The following MSH3 variants were observed in gnomAD, a reference collection of about 807,000 sequenced individuals.
MSH3 encodes mutS homolog 3, also known as DNA mismatch repair protein Msh3.
Under a neutral mutation model 123.3 loss-of-function variants are expected in MSH3, and 106 were observed. The ratio of observed to expected loss-of-function variants is 0.86; its 90% CI spans 0.73 to 1.01. MSH3 has a LOEUF of 1.01. Ranked by LOEUF, MSH3 falls within the 50% of genes least tolerant of loss-of-function variation. MSH3 has a pLI of 0.00. For synonymous variants in MSH3, 515 were observed against 481.4 expected (o/e 1.07, Z -0.91); for missense variants, 1,459 against 1,347.6 (o/e 1.08, Z -1.29).
intron 20 of MSH3, among the ~76,000 whole-genome samples, chr5:80,841,087 G>C (rs1745615590): frequency 6.6e-6 from 1 of 151,502 alleles, no homozygotes; most frequent in African/African-American, 2.4e-5. Context: ...CCCGGTGTGT[G>C]ATGTTCCCCT....
chr5:80,812,076 G>C (rs1745018925), intron 19 of MSH3, among the ~76,000 whole-genome samples: 1 of 152,138 alleles, frequency 6.6e-6, no homozygotes, highest in Non-Finnish European at 1.5e-5. Context: ...GTTCCTTCAA[G>C]TAATGGAGAT....
At chr5:80,752,795 T>C (rs920227335) in intron 12 of MSH3, among the ~76,000 whole-genome samples, 5 of 152,206 alleles carry the variant, frequency 3.3e-5, no homozygotes, top group Middle Eastern at 3.4e-3. Context: ...TGGTTATATA[T>C]TGGAATATTA....
chr5:80,843,554 G>C (rs1324025895), intron 20 of MSH3, among the ~76,000 whole-genome samples: 1 of 152,010 alleles, frequency 6.6e-6, no homozygotes, highest in Non-Finnish European at 1.5e-5. Flanking sequence ...TTGGTTGGTG[G>C]GCTATTAATT....
At position 80,668,800 on chromosome 5, in the gene MSH3, C is replaced by T. The variant is rs376754911; in HGVS notation, c.580-1297C>T. On this transcript the variant is annotated intron_variant, in intron 3 of 23. Coordinates refer to ENST00000265081, the MANE Select transcript of MSH3 (RefSeq NM_002439.5). ...TGGGGCTCCTGCCTGCTCCCAGCCC[C>T]CAAGAGCACAGGGATGCCCAGGTTT... Among the ~76,000 whole-genome samples the T allele has an allele frequency of 5.9e-5, 9 of 152,266 alleles. No individual in the cohort carries two copies. In the East Asian group the frequency reaches 1.4e-3, roughly 23 times the overall value.
chr5:80,713,822 C>A (rs1201363558), intron 8 of MSH3, among the ~76,000 whole-genome samples: 1 of 152,102 alleles, frequency 6.6e-6, no homozygotes, highest in Non-Finnish European at 1.5e-5. Flanking sequence ...GCCTGTGACT[C>A]ACCCCAGGAA....
intron 14 of MSH3, among the ~76,000 whole-genome samples, 163 bp from the exon 15 acceptor site, chr5:80,768,672 C>T (rs1180200190): frequency 6.6e-6 from 1 of 152,086 alleles, no homozygotes; most frequent in Non-Finnish European, 1.5e-5. Context: ...TTTTGACCAT[C>T]CTCAGAGAAG....
chr5:80,871,872 G>C (rs1580103538), intron 22 of MSH3, among the ~76,000 whole-genome samples: 1 of 152,238 alleles, frequency 6.6e-6, no homozygotes, highest in East Asian at 1.9e-4. Context: ...GGCCATCTTA[G>C]AGGCTGCCTA....
chr5:80,829,059 TTTTTGC>T (rs1434156958), intron 20 of MSH3, among the ~76,000 whole-genome samples: 1 of 152,202 alleles, frequency 6.6e-6, no homozygotes, highest in Non-Finnish European at 1.5e-5. Context: ...TGACCCCACA[TTTTTGC>T]TTGGCATTAA....
chr5:80,811,659 T>A (rs2112051325), intron 19 of MSH3, among the ~76,000 whole-genome samples: 1 of 152,280 alleles, frequency 6.6e-6, no homozygotes, highest in Admixed American at 6.5e-5. Context: ...TCAGTAGGGA[T>A]GTTCTCTGCA....
At chr5:80,836,170 T>C (rs1342954849) in intron 20 of MSH3, among the ~76,000 whole-genome samples, 1 of 152,222 alleles carries the variant, frequency 6.6e-6, no homozygotes, top group Non-Finnish European at 1.5e-5. Flanking sequence ...TAAATTTAAA[T>C]CCTTTTGCTC....
At chr5:80,817,729 T>C (rs1243534069) in intron 20 of MSH3, among the ~76,000 whole-genome samples, 1 of 152,140 alleles carries the variant, frequency 6.6e-6, no homozygotes, top group African/African-American at 2.4e-5. Flanking sequence ...TTTCTCTTTA[T>C]AGAAATGTTC....
intron 3 of MSH3, among the ~76,000 whole-genome samples, chr5:80,668,430 G>A (rs1650657): frequency 0.28 from 42,155 of 152,010 alleles, 6,085 homozygotes; most frequent in Middle Eastern, 0.35. Flanking sequence ...GTGCCATGGG[G>A]CACCTGCAGG....
chr5:80,715,108 T>A (rs1228881113), intron 8 of MSH3: 2 of 152,232 alleles, frequency 1.3e-5, no homozygotes, highest in Non-Finnish European at 2.9e-5. Context: ...GACATTGTAC[T>A]TAATGTCTCA....
chr5:80,709,233 G>GTA (rs1750791689), intron 8 of MSH3, among the ~76,000 whole-genome samples: 1 of 151,914 alleles, frequency 6.6e-6, no homozygotes, highest in Non-Finnish European at 1.5e-5. Flanking sequence ...GTGTGTGTGT[G>GTA]TGTGTGTGTG....
chr5:80,846,655 G>A (rs570186085), intron 20 of MSH3, among the ~76,000 whole-genome samples: 20 of 152,332 alleles, frequency 1.3e-4, no homozygotes, highest in African/African-American at 4.1e-4. Context: ...CCACAACGTC[G>A]CAGGTTGATC....
intron 20 of MSH3, among the ~76,000 whole-genome samples, chr5:80,824,932 G>A (rs532217778): frequency 6.6e-6 from 1 of 152,192 alleles, no homozygotes; most frequent in African/African-American, 2.4e-5. Flanking sequence ...TAGTATATGG[G>A]ACATGTTCCC....
chr5:80,769,833 C>T (rs1447393938), intron 15 of MSH3, among the ~76,000 whole-genome samples: 1 of 152,008 alleles, frequency 6.6e-6, no homozygotes, highest in African/African-American at 2.4e-5. Flanking sequence ...TAAACATTTA[C>T]ATTGTTTTGT....
intron 8 of MSH3, among the ~76,000 whole-genome samples, chr5:80,681,741 TAAC>T (rs1199701289): frequency 1.4e-4 from 21 of 152,050 alleles, no homozygotes; most frequent in Admixed American, 1.4e-3. Flanking sequence ...TTTTATAAAA[TAAC>T]AATGGCGAAA....
At chr5:80,710,653 A>T (rs1750839021) in intron 8 of MSH3, among the ~76,000 whole-genome samples, 1 of 152,192 alleles carries the variant, frequency 6.6e-6, no homozygotes, top group African/African-American at 2.4e-5. Context: ...CCTGCTTGTT[A>T]ACTGAGAATA....
Sources: allele counts gnomAD v4.1 joint callset (sites outside exome capture counted in the v4.1 genomes callset), GRCh38; gene constraint gnomAD v4.1.1; transcripts MANE v1.5; gene names NCBI Gene and HGNC (gene_info 2026-07-23, HGNC 2026-07-21).